Variants in ADAM33 observed in about 807,000 individuals in gnomAD.
The protein encoded by ADAM33 is disintegrin and metalloproteinase domain-containing protein 33.
A neutral mutation model predicts 106.2 loss-of-function variants in ADAM33; 103 were observed. The observed-to-expected ratio is 0.97, with a 90% confidence interval of 0.83 to 1.14. ADAM33 has a LOEUF of 1.14. ADAM33 is among the 50% of genes most tolerant of loss of function. The probability of loss-of-function intolerance (pLI) is 0.00; values close to 1 mark genes in which losing one functional copy is unlikely to be tolerated. For missense variants in ADAM33, 1,120 were observed against 1,096.6 expected, an observed-to-expected ratio of 1.02 and a Z score of -0.30; for synonymous variants, 483 against 453.0, an observed-to-expected ratio of 1.07 and a Z score of -0.84.
rs767536018 is a variant in ADAM33, at chr20:3,671,155, T to C, written c.2093-2A>G. 35 of 1,612,972 alleles carry C rather than the reference T, an allele frequency of 2.2e-5. No individual in the cohort carries two copies. Among genetic ancestry groups the C allele is most frequent in the Non-Finnish European group, 3.0e-5 (35 of 1,179,660 alleles). ...TGGCCAGCAGGAAGGTGTCATGGTCTGCGGGGATTGGGGGAAGGGGCGCTG... is the reference window on the plus strand; with the variant it reads ...TGGCCAGCAGGAAGGTGTCATGGTCCGCGGGGATTGGGGGAAGGGGCGCTG... On this transcript the variant is annotated splice_acceptor_variant, in intron 18 of 21. Transcript: ENST00000356518. LOFTEE classifies it high-confidence loss of function.
chr20:3,670,353 G>C (rs2087452830), intron 19 of ADAM33: 1 of 160,524 alleles, frequency 6.2e-6, no homozygotes, highest in Admixed American at 5.9e-5. Context: ...CCAAGACCAG[G>C]CTATGTCAGA....
intron 2 of ADAM33, among the ~76,000 whole-genome samples, chr20:3,678,693 C>T (rs1268491817): frequency 6.6e-6 from 1 of 152,156 alleles, no homozygotes; most frequent in Non-Finnish European, 1.5e-5. Context: ...AGGGGTGTAG[C>T]CAATGGTTTA....
chr20:3,675,209 G>C lies in ADAM33; in HGVS notation c.255-104C>G. The C allele has an allele frequency of 1.2e-6, 1 of 825,752 alleles. No individual in the cohort carries two copies. The highest frequency in any genetic ancestry group is 2.0e-6 in the Non-Finnish European group (1 of 502,888). The allele number at this position is 825,752 out of a possible 1,614,324, so 51.2% of individuals were successfully genotyped here. A position where few individuals can be genotyped will look rare whatever the true frequency, so the allele number is the denominator to read the frequency against. On this transcript the variant is annotated intron_variant, in intron 3 of 21. Transcript: ENST00000356518. The surrounding 1 kb of genome is among the most constrained non-coding windows in gnomAD (Gnocchi z 4.1). ...AAATGCTAATGGAGCAGCTTTATGAGTGAGACACTCACAGTGTGTCTTAGG... is the reference window on the plus strand; with the variant it reads ...AAATGCTAATGGAGCAGCTTTATGACTGAGACACTCACAGTGTGTCTTAGG...
Position 3,679,493 on chromosome 20 carries a change from G to A in ADAM33, c.176C>T (p.Pro59Leu), listed in dbSNP as rs183295857. 8.1e-6 allele frequency: 13 copies of A among 1,606,466 alleles called. No homozygotes were observed. Among genetic ancestry groups the A allele is most frequent in the Middle Eastern group, 1.7e-4 (1 of 6,054 alleles). ...AGGGCGGGGAGACATGGCACTGACC[G>A]GCTCCTCCAGGCTGACGGTGCGCCA... ...QPWRTVSLEEPVSKPDMGLVA... is the reference protein window; with the variant it reads ...QPWRTVSLEELVSKPDMGLVA... The change falls in exon 2 of 22, where the codon CCG becomes CTG. Residue 59 changes from proline to leucine, a missense_variant and splice_region_variant. Pro to Leu is a moderately conservative substitution (Grantham distance 98). Transcript: ENST00000356518.
Position 3,668,862 on chromosome 20 carries a change from G to T in ADAM33, c.*101C>A. The T allele has an allele frequency of 7.2e-7, 1 of 1,392,884 alleles. No individual in the cohort carries two copies. The highest frequency in any genetic ancestry group is 1.0e-6 in the Non-Finnish European group (1 of 983,502). 86.3% of individuals were successfully genotyped at this position (1,392,884 alleles called of 1,614,324 possible). A position where few individuals can be genotyped will look rare whatever the true frequency, so the allele number is the denominator to read the frequency against. ...ACTTCCAAGCTGCCTGCAGGTGCTG[G>T]AGGTCCGGTGATTCACTGGCTCTGC... is the stretch of plus-strand genomic sequence containing the variant. On this transcript the variant is annotated 3_prime_UTR_variant, in exon 22 of 22. Coordinates refer to ENST00000356518, the MANE Select transcript of ADAM33 (RefSeq NM_025220.5).
chr20:3,670,991 G>A lies in ADAM33; in HGVS notation c.2240+15C>T, dbSNP rs1368968956. On this transcript the variant is annotated intron_variant, in intron 19 of 21. Transcript: ENST00000356518. ...CCGCAGGAGTAGGCTCAGGAAGCAG[G>A]CGCTCGGAGCCTACCCACTGCACGC... 5.9e-6 allele frequency: 9 copies of A among 1,536,274 alleles called. No homozygotes were observed. Among genetic ancestry groups the A allele is most frequent in the African/African-American group, 1.4e-5 (1 of 72,694 alleles).
intron 2 of ADAM33, among the ~76,000 whole-genome samples, chr20:3,678,414 G>A (rs1389948366): frequency 1.3e-5 from 2 of 152,214 alleles, no homozygotes; most frequent in Non-Finnish European, 2.9e-5. Context: ...AGACAGGGAG[G>A]CCCAGAGGCA....
chr20:3,669,839 A>C, intron 19 of ADAM33: 1 of 675,550 alleles, frequency 1.5e-6, no homozygotes, highest in Non-Finnish European at 2.7e-6. Flanking sequence ...AGTGAGCCTC[A>C]TGCCCTCGGC....
chr20:3,676,994 C>T, intron 3 of ADAM33, 73 bp downstream of exon 3: 1 of 1,523,216 alleles, frequency 6.6e-7, no homozygotes, highest in Non-Finnish European at 8.9e-7. Flanking sequence ...CAGCCACCCG[C>T]ACAGATCTGT....
chr20:3,679,026 C>T (rs914485193), intron 2 of ADAM33, among the ~76,000 whole-genome samples: 2 of 151,986 alleles, frequency 1.3e-5, no homozygotes, highest in African/African-American at 4.8e-5. Context: ...TCCACAGGAG[C>T]CAGTGAGGCT....
chr20:3,669,751 G>A, intron 19 of ADAM33, 114 bp from the exon 20 acceptor site: 1 of 958,172 alleles, frequency 1.0e-6, no homozygotes, highest in Non-Finnish European at 1.6e-6. Context: ...AGTTTCTTGG[G>A]GCACCCATCT....
chr20:3,680,298 G>A (rs1379015782), intron 1 of ADAM33, among the ~76,000 whole-genome samples: 2 of 152,002 alleles, frequency 1.3e-5, no homozygotes, highest in African/African-American at 2.4e-5. Flanking sequence ...CGCCCTGCAG[G>A]AGCCAGGCCC....
At position 3,672,842 on chromosome 20, in the gene ADAM33, A is replaced by G; in HGVS notation, c.1190T>C (p.Phe397Ser). ...GAGGCAAGCGCCGCCCCCCTTGCGGAAGAAGGCGCGCAGCTGGCGGCGGCT... is the reference window on the plus strand; with the variant it reads ...GAGGCAAGCGCCGCCCCCCTTGCGGGAGAAGGCGCGCAGCTGGCGGCGGCT... Reference protein sequence around the residue: ...ACSRRQLRAFFRKGGGACLSN... With the variant: ...ACSRRQLRAFSRKGGGACLSN... The change falls in exon 12 of 22, where the codon TTC becomes TCC. Residue 397 changes from phenylalanine (F) to serine (S), a missense_variant. Coordinates refer to ENST00000356518, the MANE Select transcript of ADAM33 (RefSeq NM_025220.5). 6.3e-7 allele frequency: 1 copy of G among 1,576,434 alleles called. No homozygotes were observed. Among genetic ancestry groups the G allele is most frequent in the Non-Finnish European group, 8.6e-7 (1 of 1,168,778 alleles).
chr20:3,671,794 G>C lies in ADAM33; in HGVS notation c.1707-15C>G, dbSNP rs1445820914. ...ACAGGGCATCCCTGGGGAGGAAGTAGAGGGGGGTCAACAGCTGCAGTACCC... is the reference window on the plus strand; with the variant it reads ...ACAGGGCATCCCTGGGGAGGAAGTACAGGGGGGTCAACAGCTGCAGTACCC... On this transcript the variant is annotated splice_polypyrimidine_tract_variant and intron_variant, in intron 15 of 21. Coordinates refer to ENST00000356518, the MANE Select transcript of ADAM33 (RefSeq NM_025220.5). 6.4e-7 allele frequency: 1 copy of C among 1,555,466 alleles called. No homozygotes were observed. The highest frequency in any genetic ancestry group is 8.7e-7 in the Non-Finnish European group (1 of 1,149,318).
rs769818374 is a variant in ADAM33, at chr20:3,679,547, G to C, written c.122C>G (p.Thr41Ser). 6.2e-7 allele frequency: 1 copy of C among 1,610,196 alleles called. No individual in the cohort carries two copies. Among genetic ancestry groups the C allele is most frequent in the Non-Finnish European group, 8.5e-7 (1 of 1,178,414 alleles). Residue 41 changes from threonine to serine, a missense_variant, in exon 2 of 22, where the codon ACC becomes AGC. Coordinates refer to ENST00000356518, the MANE Select transcript of ADAM33 (RefSeq NM_025220.5). ...TTGTCCATCCAGGACCCAGTGCGGG[G>C]TGACTGGCTGCCCAGGGATATGTCC... ...LQGHIPGQPV[T>S]PHWVLDGQPW...
chr20:3,668,791 T>A lies in ADAM33; in HGVS notation c.*172A>T, dbSNP rs888244420. On this transcript the variant is annotated 3_prime_UTR_variant, in exon 22 of 22. Transcript: ENST00000356518. ...AGCCCTCAGGAACTTCTAATGTGGC[T>A]CTGGGTTCCTGGAGTGGGTGGGTCG... is the stretch of plus-strand genomic sequence containing the variant. The A allele has an allele frequency of 1.0e-4, 78 of 748,818 alleles. No individual in the cohort carries two copies. The South Asian group carries it at 1.1e-3, about 11-fold the overall frequency. The allele number at this position is 748,818 out of a possible 1,614,324, so 46.4% of individuals were successfully genotyped here.
chr20:3,678,227 C>T (rs1004729919), intron 2 of ADAM33, among the ~76,000 whole-genome samples: 1 of 152,262 alleles, frequency 6.6e-6, no homozygotes, highest in Non-Finnish European at 1.5e-5. Context: ...GGTACCCTGC[C>T]CCTTGATATA....
Position 3,668,976 on chromosome 20 carries a change from G to T in ADAM33, c.2429C>A (p.Ser810Tyr). 1 of 1,613,178 alleles carries T rather than the reference G, an allele frequency of 6.2e-7. No homozygotes were observed. Among genetic ancestry groups the T allele is most frequent in the Non-Finnish European group, 8.5e-7 (1 of 1,179,882 alleles). Residue 810 changes from serine (S) to tyrosine (Y), a missense_variant, in exon 22 of 22, where the codon TCC (serine) becomes TAC (tyrosine). Transcript: ENST00000356518. ...AGGAGCTACCTCTCACCAGAGGCAG[G>T]ATCTTGGCATCTGGACTTGATCTGC... ...PQADQVQMPR[S>Y]CLW
Position 3,668,565 on chromosome 20 carries a change from C to T in ADAM33, c.*398G>A. ...CATAGGGCCCCAGGACCACTAGCTT[C>T]TGGCCAGCAGTCATGCCCTCCACAG... is the stretch of plus-strand genomic sequence containing the variant. On this transcript the variant is annotated 3_prime_UTR_variant, in exon 22 of 22. Coordinates refer to ENST00000356518, the MANE Select transcript of ADAM33 (RefSeq NM_025220.5). 1 of 256,954 alleles carries T rather than the reference C, an allele frequency of 3.9e-6. No individual in the cohort carries two copies. Among genetic ancestry groups the T allele is most frequent in the Non-Finnish European group, 7.6e-6 (1 of 131,776 alleles). 15.9% of individuals were successfully genotyped at this position (256,954 alleles called of 1,614,324 possible). A position where few individuals can be genotyped will look rare whatever the true frequency, so the allele number is the denominator to read the frequency against.
Sources: gnomAD v4.1 joint callset for allele counts (sites outside exome capture counted in the v4.1 genomes callset) on GRCh38, gnomAD v4.1.1 for gene constraint, Gnocchi (gnomAD v3.1) non-coding constraint, MANE v1.5 for transcripts, NCBI Gene and HGNC (gene_info 2026-07-23, HGNC 2026-07-21) for gene names.